Variants in KCTD19 observed in about 807,000 individuals in gnomAD.
The protein encoded by KCTD19 is potassium channel tetramerization domain containing 19.
KCTD19 carries 67 observed loss-of-function variants against 103.5 expected under a neutral mutation model. That is an observed-to-expected ratio of 0.65 (90% CI 0.53 to 0.79). The LOEUF is 0.79. Ranked by LOEUF, KCTD19 falls within the 30% of genes least tolerant of loss-of-function variation. The pLI is 0.00. For missense variants in KCTD19, 980 were observed against 1,136.1 expected (o/e 0.86, Z 1.98); for synonymous variants, 439 against 452.2 (o/e 0.97, Z 0.37).
chr16:67,290,614 T>C (rs910999346), intron 15 of KCTD19, among the ~76,000 whole-genome samples: 1 of 152,218 alleles, frequency 6.6e-6, no homozygotes, highest in South Asian at 2.1e-4. Context: ...TCATATGATA[T>C]GTGTCCCTAA....
At position 67,320,605 on chromosome 16, in the gene KCTD19, A is replaced by G; in HGVS notation, c.284T>C (p.Leu95Pro). The G allele has an allele frequency of 6.2e-7, 1 of 1,613,900 alleles. No homozygotes were observed. The highest frequency in any genetic ancestry group is 8.5e-7 in the Non-Finnish European group (1 of 1,179,760). The change falls in exon 2 of 16, where the codon CTG becomes CCG. Residue 95 changes from leucine (L) to proline (P), a missense_variant. Transcript: ENST00000304372. The surrounding 1 kb of genome is among the most constrained non-coding windows in gnomAD (Gnocchi z 4.0). ...LLYEQALGLQLMPLLQTLDNL... is the reference protein window; with the variant it reads ...LLYEQALGLQPMPLLQTLDNL... ...GCATCTTACCTGCAGCAAAGGCATC[A>G]GCTGCAAACCCAATGCTTGCTCATA...
Position 67,303,108 on chromosome 16 carries a change from C to CTGGGGGGCG in KCTD19, c.643+37_643+38insCGCCCCCCA. On this transcript the variant is annotated intron_variant, in intron 4 of 15. Transcript: ENST00000304372. The surrounding 1 kb of genome is among the most constrained non-coding windows in gnomAD (Gnocchi z 4.3). ...ATGGGGAGGGGTGAATGGGCCCTATCAGCCCGCCCCCCACCCCACCCCGGA... is the reference window on the plus strand; with the variant it reads ...ATGGGGAGGGGTGAATGGGCCCTATCTGGGGGGCGAGCCCGCCCCCCACCCCACCCCGGA... The CTGGGGGGCG allele has an allele frequency of 1.3e-6, 1 of 798,078 alleles. No homozygotes were observed. Among genetic ancestry groups the CTGGGGGGCG allele is most frequent in the Non-Finnish European group, 2.1e-6 (1 of 476,660 alleles). 49.4% of individuals were successfully genotyped at this position (798,078 alleles called of 1,614,324 possible).
intron 2 of KCTD19, among the ~76,000 whole-genome samples, chr16:67,315,631 G>A (rs1356500786): frequency 1.3e-5 from 2 of 152,180 alleles, no homozygotes; most frequent in African/African-American, 2.4e-5. Flanking sequence ...ATAGGCGCAC[G>A]ACACCATGCC....
chr16:67,304,168 G>A (rs567823172), intron 3 of KCTD19, among the ~76,000 whole-genome samples: 2 of 152,334 alleles, frequency 1.3e-5, no homozygotes, highest in Admixed American at 1.3e-4. Context: ...ATGAATAGGA[G>A]GGAGTGGAAT....
chr16:67,293,493 T>C lies in KCTD19; in HGVS notation c.2218+51A>G. Reference sequence around the variant, plus strand: ...TGCTCTGCCATCTTGGCCAAAGAGTTTGCCTTCTCTGTTGTGAATAAGACT... The same window carrying C: ...TGCTCTGCCATCTTGGCCAAAGAGTCTGCCTTCTCTGTTGTGAATAAGACT... On this transcript the variant is annotated intron_variant, in intron 12 of 15. Transcript: ENST00000304372. The surrounding 1 kb of genome is among the most constrained non-coding windows in gnomAD (Gnocchi z 4.0). 6.4e-7 allele frequency: 1 copy of C among 1,573,842 alleles called. No homozygotes were observed. Among genetic ancestry groups the C allele is most frequent in the Middle Eastern group, 1.7e-4 (1 of 5,844 alleles).
chr16:67,319,006 T>G (rs1203873530), intron 2 of KCTD19, among the ~76,000 whole-genome samples: 1 of 152,120 alleles, frequency 6.6e-6, no homozygotes, highest in East Asian at 1.9e-4. Flanking sequence ...GTGGATCAAC[T>G]GGGGTCAGGA....
chr16:67,301,832 G>C lies in KCTD19; in HGVS notation c.734C>G (p.Pro245Arg). 6.2e-7 allele frequency: 1 copy of C among 1,613,970 alleles called. No homozygotes were observed. Among genetic ancestry groups the C allele is most frequent in the Non-Finnish European group, 8.5e-7 (1 of 1,179,846 alleles). The change falls in exon 5 of 16, where the codon CCT becomes CGT. Residue 245 changes from proline to arginine, a missense_variant. Coordinates refer to ENST00000304372, the MANE Select transcript of KCTD19 (RefSeq NM_001100915.3). Reference sequence around the variant, plus strand: ...CCACCTTACGGCTTCAGTGAGTGCAGGGATTTCCAGAATTTCCACTTCTGC... The same window carrying C: ...CCACCTTACGGCTTCAGTGAGTGCACGGATTTCCAGAATTTCCACTTCTGC... ...LEAEVEILEI[P>R]ALTEAVRWYR...
intron 11 of KCTD19, 28 bp downstream of exon 11, chr16:67,294,552 A>G: frequency 6.7e-7 from 1 of 1,500,770 alleles, no homozygotes; most frequent in Non-Finnish European, 9.3e-7. Context: ...TTTGAGGATA[A>G]CACCAACCAG....
chr16:67,305,178 T>C (rs2036879368), intron 2 of KCTD19, among the ~76,000 whole-genome samples: 2 of 152,216 alleles, frequency 1.3e-5, no homozygotes, highest in Non-Finnish European at 2.9e-5. Flanking sequence ...AAAAACTTGT[T>C]ATTTTCTGCT....
chr16:67,292,291 T>C (rs1008932083), intron 12 of KCTD19, among the ~76,000 whole-genome samples: 8 of 152,158 alleles, frequency 5.3e-5, no homozygotes, highest in Non-Finnish European at 1.2e-4. Context: ...ACCCCAGCCT[T>C]GCAACAGCTG....
At chr16:67,313,489 C>T (rs1230382591) in intron 2 of KCTD19, among the ~76,000 whole-genome samples, 1 of 152,090 alleles carries the variant, frequency 6.6e-6, no homozygotes, top group Non-Finnish European at 1.5e-5. Context: ...ATGTAAAACC[C>T]ATTCTTAGCT....
chr16:67,321,539 T>A (rs2037072628), intron 1 of KCTD19: 1 of 152,152 alleles, frequency 6.6e-6, no homozygotes, highest in Admixed American at 6.5e-5. Flanking sequence ...AATCCTGACT[T>A]TTTGCAAAAA....
In KCTD19 at chr16:67,299,448, CAG is replaced by C. The variant is rs746368397; in HGVS notation, c.899_900del (p.Ser300CysfsTer48). On this transcript the variant is annotated frameshift_variant, in exon 6 of 16. Transcript: ENST00000304372. LOFTEE classifies it high-confidence loss of function. ...CTCTCGATGCGAAGCTGGCCCAGCG[CAG>C]AGTCCGGGTACTTGACCAGCAGACC... The part of the protein sequence containing the change: ...ALGLLVKYPD[S>X]ALGQLRIEST... 1 of 1,614,236 alleles carries C rather than the reference CAG, an allele frequency of 6.2e-7. No homozygotes were observed. The highest frequency in any genetic ancestry group is 1.7e-5 in the Admixed American group (1 of 60,034).
At chr16:67,302,158 G>A in intron 4 of KCTD19, 1 of 409,796 alleles carries the variant, frequency 2.4e-6, no homozygotes, top group Non-Finnish European at 4.5e-6. Flanking sequence ...CCGTGGCTTG[G>A]CCTGGGGCTC....
chr16:67,298,793 G>C (rs2036798517), intron 6 of KCTD19, among the ~76,000 whole-genome samples: 1 of 152,226 alleles, frequency 6.6e-6, no homozygotes, highest in East Asian at 1.9e-4. Context: ...TTGCTCTGCT[G>C]TTCTGCACCT....
intron 2 of KCTD19, among the ~76,000 whole-genome samples, chr16:67,317,992 T>C (rs1597400269): frequency 6.6e-6 from 1 of 152,196 alleles, no homozygotes; most frequent in African/African-American, 2.4e-5. Context: ...AGTGGGAAAG[T>C]GGTGGAAATG....
At position 67,291,832 on chromosome 16, in the gene KCTD19, G is replaced by A. The variant is rs1429250265; in HGVS notation, c.2224C>T (p.Pro742Ser). 3.1e-6 allele frequency: 5 copies of A among 1,588,846 alleles called. No homozygotes were observed. Among genetic ancestry groups the A allele is most frequent in the Non-Finnish European group, 3.4e-6 (4 of 1,166,624 alleles). Reference protein sequence around the residue: ...SKQRTKERESPAPEQPLPEAS... With the variant: ...SKQRTKERESSAPEQPLPEAS... Reference sequence around the variant, plus strand: ...TCGGGCAGAGGCTGCTCAGGGGCAGGGCTTTCTGTGAAAACAACATAGGGA... The same window carrying A: ...TCGGGCAGAGGCTGCTCAGGGGCAGAGCTTTCTGTGAAAACAACATAGGGA... Residue 742 changes from proline to serine, a missense_variant, in exon 13 of 16, where the codon CCT (proline) becomes TCT (serine). By Grantham distance (74) the Pro-to-Ser change is moderately conservative. Transcript: ENST00000304372.
chr16:67,294,259 A>G (rs577762053), intron 11 of KCTD19, 88 bp from the exon 12 acceptor site: 2 of 1,342,758 alleles, frequency 1.5e-6, no homozygotes, highest in Middle Eastern at 4.6e-4. Context: ...GGCCTCCAAG[A>G]CTTCACTTGC....
In KCTD19 at chr16:67,297,719, C is replaced by T. The variant is rs73592849; in HGVS notation, c.987-56G>A. On this transcript the variant is annotated intron_variant, in intron 6 of 15. Coordinates refer to ENST00000304372, the MANE Select transcript of KCTD19 (RefSeq NM_001100915.3). ...CATCAGCATTGTACCCCAAGAGAGT[C>T]GAGCCTGTAAACTTTCCATGCCTAG... 1.1e-3 allele frequency: 1,676 copies of T among 1,554,014 alleles called. 10 individuals are homozygous for T. The African/African-American group carries it at 0.016, about 15-fold the overall frequency.
Sources: gnomAD v4.1 joint callset for allele counts (sites outside exome capture counted in the v4.1 genomes callset) on GRCh38, gnomAD v4.1.1 for gene constraint, Gnocchi (gnomAD v3.1) non-coding constraint, MANE v1.5 for transcripts, NCBI Gene and HGNC (gene_info 2026-07-23, HGNC 2026-07-21) for gene names.